Variants in XRCC5 observed in about 807,000 individuals in gnomAD.
The protein encoded by XRCC5 is X-ray repair cross complementing 5, also known as DNA repair protein Ku80.
A neutral mutation model predicts 95.7 loss-of-function variants in XRCC5; 12 were observed. That is an observed-to-expected ratio of 0.13 (90% CI 0.08 to 0.20). The LOEUF (loss-of-function observed/expected upper bound fraction) is 0.20, where lower values mean the gene tolerates loss of function less well. Ranked by LOEUF, XRCC5 falls within the 10% of genes least tolerant of loss-of-function variation. The pLI is 1.00. For missense variants in XRCC5, 595 were observed against 873.9 expected (o/e 0.68, Z 4.02); for synonymous variants, 281 against 290.3 (o/e 0.97, Z 0.33).
intron 10 of XRCC5, among the ~76,000 whole-genome samples, chr2:216,133,589 C>G (rs911279342): frequency 1.3e-5 from 2 of 152,178 alleles, no homozygotes; most frequent in Non-Finnish European, 2.9e-5. Flanking sequence ...TTGAGACACA[C>G]ATGTTGGGTA....
chr2:216,190,800 T>C (rs2106047264), intron 17 of XRCC5, among the ~76,000 whole-genome samples: 1 of 152,326 alleles, frequency 6.6e-6, no homozygotes, highest in Non-Finnish European at 1.5e-5. Flanking sequence ...CCCATGCCTT[T>C]TGTGTGGGTT....
At chr2:216,150,417 G>T (rs1431245378) in intron 14 of XRCC5, among the ~76,000 whole-genome samples, 1 of 152,136 alleles carries the variant, frequency 6.6e-6, no homozygotes, top group Non-Finnish European at 1.5e-5. Context: ...TAACGACAGG[G>T]ATACATTCTG....
rs1372922060 is a variant in XRCC5, at chr2:216,160,137, T to G, written c.1740T>G (p.Ser580Arg). 1 of 1,609,042 alleles carries G rather than the reference T, an allele frequency of 6.2e-7. No individual in the cohort carries two copies. Among genetic ancestry groups the G allele is most frequent in the South Asian group, 1.1e-5 (1 of 90,546 alleles). Residue 580 changes from serine (S) to arginine (R), a missense_variant, in exon 15 of 21, where the codon AGT (serine) becomes AGG (arginine). Ser to Arg is a moderately radical substitution (Grantham distance 110, BLOSUM62 -1). Transcript: ENST00000392132. ...EQGGAHFSVS[S>R]LAEGSVTSVG... ...GGGGAGCCCACTTCAGCGTCTCCAG[T>G]CTGGCTGAAGGCAGTGTCACCTCTG...
At chr2:216,158,037 G>A (rs1688879484) in intron 14 of XRCC5, among the ~76,000 whole-genome samples, 1 of 152,144 alleles carries the variant, frequency 6.6e-6, no homozygotes, top group African/African-American at 2.4e-5. Flanking sequence ...TATGACTGGG[G>A]CTACTTTTAC....
rs139232129 is a variant in XRCC5, at chr2:216,110,095, A to G, written c.21+638A>G. Among the ~76,000 whole-genome samples, 108 of 152,294 alleles carry G rather than the reference A, an allele frequency of 7.1e-4. 1 individual carries two copies. Among genetic ancestry groups the G allele is most frequent in the African/African-American group, 2.4e-3 (99 of 41,568 alleles). ...CCCCATTTTGCAAGTGGGAAAACCGAGGAATAAAGAACTGTGGGCTTTTCC... is the reference window on the plus strand; with the variant it reads ...CCCCATTTTGCAAGTGGGAAAACCGGGGAATAAAGAACTGTGGGCTTTTCC... On this transcript the variant is annotated intron_variant, in intron 1 of 20. Coordinates refer to ENST00000392132, the MANE Select transcript of XRCC5 (RefSeq NM_021141.4).
At chr2:216,121,279 G>A (rs928046590) in intron 5 of XRCC5, among the ~76,000 whole-genome samples, 3 of 152,180 alleles carry the variant, frequency 2.0e-5, no homozygotes, top group Non-Finnish European at 2.9e-5. Flanking sequence ...ACATCATGCT[G>A]TATTTGCTAA....
chr2:216,159,817 C>T (rs1468519695), intron 14 of XRCC5, among the ~76,000 whole-genome samples: 1 of 152,200 alleles, frequency 6.6e-6, no homozygotes, highest in Non-Finnish European at 1.5e-5. Flanking sequence ...GATTCTCATA[C>T]TGCTGTGAAA....
intron 16 of XRCC5, chr2:216,175,971 C>T (rs1045654723): frequency 1.7e-5 from 5 of 298,662 alleles, no homozygotes; most frequent in Non-Finnish European, 1.9e-5. Context: ...CTCTTGGCGG[C>T]AGTGGCAATG....
chr2:216,143,108 A>C (rs1372837382), intron 13 of XRCC5, among the ~76,000 whole-genome samples: 1 of 152,142 alleles, frequency 6.6e-6, no homozygotes, highest in Non-Finnish European at 1.5e-5. Flanking sequence ...AAGGTTGTCT[A>C]CCCTTGGGAG....
chr2:216,121,692 G>A (rs1696815531), intron 5 of XRCC5, among the ~76,000 whole-genome samples: 1 of 152,134 alleles, frequency 6.6e-6, no homozygotes, highest in African/African-American at 2.4e-5. Context: ...GACACGTGTA[G>A]ACCATTACAG....
intron 13 of XRCC5, among the ~76,000 whole-genome samples, chr2:216,142,289 T>C (rs1252885194): frequency 3.9e-5 from 6 of 152,196 alleles, no homozygotes; most frequent in African/African-American, 1.4e-4. Context: ...AGAGAAGAAG[T>C]GTTCTAATGT....
intron 16 of XRCC5, among the ~76,000 whole-genome samples, chr2:216,163,819 A>G (rs1688999307): frequency 6.6e-6 from 1 of 152,242 alleles, no homozygotes; most frequent in Admixed American, 6.5e-5. Flanking sequence ...GAATCTCCAG[A>G]GGAAGAACAG....
rs1422335719 is a variant in XRCC5, at chr2:216,138,149, T to C, written c.1312T>C (p.Leu438=). 13 of 1,613,410 alleles carry C rather than the reference T, an allele frequency of 8.1e-6. No homozygotes were observed. In the East Asian group the frequency reaches 1.8e-4, roughly 22 times the overall value. ...CTTGCGGCAATACATGTTTTCATCCTTGAAAAACAGTAAGAAATATGCTCC... is the reference window on the plus strand; with the variant it reads ...CTTGCGGCAATACATGTTTTCATCCCTGAAAAACAGTAAGAAATATGCTCC... The part of the protein sequence containing the change: ...EDLRQYMFSS[L]KNSKKYAPTE... Residue 438 remains leucine, a synonymous_variant, in exon 12 of 21, where the codon TTG becomes CTG. Coordinates refer to ENST00000392132, the MANE Select transcript of XRCC5 (RefSeq NM_021141.4).
chr2:216,175,332 CA>C lies in XRCC5; in HGVS notation c.1834+13288del. On this transcript the variant is annotated intron_variant, in intron 16 of 20. Transcript: ENST00000392132. ...CTTCCACCAAAGTTTCCACCACAGC[CA>C]AAATTACTTGCACCACTTCCAGAGT... is the stretch of plus-strand genomic sequence containing the variant. 6.5e-6 allele frequency: 3 copies of C among 463,170 alleles called. No individual in the cohort carries two copies. The Admixed American group carries it at 7.4e-5, about 11-fold the overall frequency. The allele number at this position is 463,170 out of a possible 1,614,324, so 28.7% of individuals were successfully genotyped here. A position where few individuals can be genotyped will look rare whatever the true frequency, so the allele number is the denominator to read the frequency against.
chr2:216,165,193 C>T (rs971090049), intron 16 of XRCC5, among the ~76,000 whole-genome samples: 3 of 152,192 alleles, frequency 2.0e-5, no homozygotes, highest in Admixed American at 6.5e-5. Flanking sequence ...TAATGACTTC[C>T]TTTCCTACGC....
intron 14 of XRCC5, among the ~76,000 whole-genome samples, chr2:216,154,462 C>G (rs1196184038): frequency 6.6e-6 from 1 of 152,234 alleles, no homozygotes; most frequent in East Asian, 1.9e-4. Context: ...GCATCGCCCA[C>G]TGCCACTGCT....
chr2:216,150,875 C>T (rs1222696423), intron 14 of XRCC5, among the ~76,000 whole-genome samples: 6 of 151,886 alleles, frequency 4.0e-5, no homozygotes, highest in Non-Finnish European at 7.4e-5. Context: ...GGCAACAGAG[C>T]GAGACTCCAT....
intron 8 of XRCC5, among the ~76,000 whole-genome samples, chr2:216,129,715 C>T (rs927022152): frequency 9.2e-5 from 14 of 152,184 alleles, no homozygotes; most frequent in Non-Finnish European, 1.3e-4. Flanking sequence ...GCTCTGTCGC[C>T]CAGACTGGAG....
At position 216,160,128 on chromosome 2, in the gene XRCC5, C is replaced by T. The variant is rs142771279; in HGVS notation, c.1731C>T (p.Ser577=). 552 of 1,608,490 alleles carry T rather than the reference C, an allele frequency of 3.4e-4. 5 individuals are homozygous for T. The highest frequency in any genetic ancestry group is 3.3e-4 in the Middle Eastern group (2 of 6,068). The change falls in exon 15 of 21, where the codon AGC becomes AGT. Residue 577 remains serine, a synonymous_variant. Coordinates refer to ENST00000392132, the MANE Select transcript of XRCC5 (RefSeq NM_021141.4). ...LKTEQGGAHF[S]VSSLAEGSVT... ...CTGAGCAAGGGGGAGCCCACTTCAGCGTCTCCAGTCTGGCTGAAGGCAGTG... is the reference window on the plus strand; with the variant it reads ...CTGAGCAAGGGGGAGCCCACTTCAGTGTCTCCAGTCTGGCTGAAGGCAGTG...
Sources: gnomAD v4.1 joint callset for allele counts (sites outside exome capture counted in the v4.1 genomes callset) on GRCh38, gnomAD v4.1.1 for gene constraint, MANE v1.5 for transcripts, NCBI Gene and HGNC (gene_info 2026-07-23, HGNC 2026-07-21) for gene names.